BCAT1: variants seen among roughly 807,000 people sequenced by gnomAD.
BCAT1 encodes branched chain amino acid transaminase 1, also known as branched-chain-amino-acid aminotransferase, cytosolic.
Under a neutral mutation model 52.4 loss-of-function variants are expected in BCAT1, and 48 were observed. That is an observed-to-expected ratio of 0.92 (90% CI 0.73 to 1.16). BCAT1 has a LOEUF of 1.16. Ranked by LOEUF, BCAT1 falls within the 50% of genes most tolerant of loss-of-function variation. The pLI, the probability that BCAT1 is intolerant of heterozygous loss-of-function variation, is 0.00. For missense variants in BCAT1, 451 were observed against 457.1 expected, an observed-to-expected ratio of 0.99 and a Z score of 0.12; for synonymous variants, 167 against 161.3, an observed-to-expected ratio of 1.04 and a Z score of -0.27.
intron 3 of BCAT1, among the ~76,000 whole-genome samples, chr12:24,893,575 GTTATT>G (rs1328739898): frequency 6.6e-6 from 1 of 152,074 alleles, no homozygotes; most frequent in East Asian, 1.9e-4. Flanking sequence ...AACAAAAGTT[GTTATT>G]TTATCATTAA....
Position 24,815,863 on chromosome 12 carries a change from ATAAT to A in BCAT1, c.*2141_*2144del, listed in dbSNP as rs1202517257. On this transcript the variant is annotated 3_prime_UTR_variant, in exon 11 of 11. Transcript: ENST00000261192. ...TATAAAATGTGTTGATGGCAAATAA[ATAAT>A]TCTCATTTCTCATAGGAATAGAAAT... 6.6e-6 allele frequency: 1 copy of A among 152,224 alleles called. No individual in the cohort carries two copies. Among genetic ancestry groups the A allele is most frequent in the African/African-American group, 2.4e-5 (1 of 41,446 alleles). The allele number at this position is 152,224 out of a possible 1,614,324, so 9.4% of individuals were successfully genotyped here. A position where few individuals can be genotyped will look rare whatever the true frequency, so the allele number is the denominator to read the frequency against.
intron 6 of BCAT1, among the ~76,000 whole-genome samples, chr12:24,847,953 T>C (rs558886260): frequency 6.6e-6 from 1 of 152,322 alleles, no homozygotes; most frequent in Admixed American, 6.5e-5. Context: ...CAGGATAATA[T>C]TAAATGCGGA....
At chr12:24,946,298 A>T (rs1482050955) in intron 1 of BCAT1, among the ~76,000 whole-genome samples, 1 of 152,224 alleles carries the variant, frequency 6.6e-6, no homozygotes, top group South Asian at 2.1e-4. Flanking sequence ...AAAATATATA[A>T]TTAGGAAAAC....
intron 1 of BCAT1, among the ~76,000 whole-genome samples, chr12:24,924,140 G>A (rs562577815): frequency 6.6e-6 from 1 of 152,206 alleles, no homozygotes; most frequent in Non-Finnish European, 1.5e-5. Flanking sequence ...TTTCTAGAGT[G>A]AGAAGACCAT....
chr12:24,831,248 A>T (rs1283521643), intron 9 of BCAT1, among the ~76,000 whole-genome samples: 2 of 152,226 alleles, frequency 1.3e-5, no homozygotes, highest in African/African-American at 4.8e-5. Flanking sequence ...AAGAATACAT[A>T]TATAACATAC....
intron 1 of BCAT1, among the ~76,000 whole-genome samples, chr12:24,909,440 T>C (rs1943279844): frequency 6.6e-6 from 1 of 152,220 alleles, no homozygotes; most frequent in Non-Finnish European, 1.5e-5. Flanking sequence ...GTACTGTGTA[T>C]GTAGTTACTG....
At chr12:24,936,469 G>A (rs1221731455) in intron 1 of BCAT1, among the ~76,000 whole-genome samples, 1 of 152,162 alleles carries the variant, frequency 6.6e-6, no homozygotes, top group East Asian at 1.9e-4. Flanking sequence ...CTGACCTCAA[G>A]TGATCCACCC....
intron 10 of BCAT1, among the ~76,000 whole-genome samples, 163 bp downstream of exon 10, chr12:24,829,660 T>C (rs1940564361): frequency 6.6e-6 from 1 of 152,166 alleles, no homozygotes; most frequent in African/African-American, 2.4e-5. Flanking sequence ...TGCCCACACA[T>C]TGTGTTGGGA....
Position 24,811,966 on chromosome 12 carries a change from G to A in BCAT1, c.*6042C>T, listed in dbSNP as rs1166433524. ...CGCAAATCCTTAAAAACAGTGGGTTGAGCCCCAGCTCCATGTATTAGGTAG... is the reference window on the plus strand; with the variant it reads ...CGCAAATCCTTAAAAACAGTGGGTTAAGCCCCAGCTCCATGTATTAGGTAG... On this transcript the variant is annotated 3_prime_UTR_variant, in exon 11 of 11. Coordinates refer to ENST00000261192, the MANE Select transcript of BCAT1 (RefSeq NM_005504.7). The A allele has an allele frequency of 6.6e-6, 1 of 152,126 alleles. No individual in the cohort carries two copies. The highest frequency in any genetic ancestry group is 6.5e-5 in the Admixed American group (1 of 15,272). The allele number at this position is 152,126 out of a possible 1,614,324, so 9.4% of individuals were successfully genotyped here. A position where few individuals can be genotyped will look rare whatever the true frequency, so the allele number is the denominator to read the frequency against.
At chr12:24,889,115 T>C (rs1037528220) in intron 3 of BCAT1, among the ~76,000 whole-genome samples, 20 of 152,254 alleles carry the variant, frequency 1.3e-4, no homozygotes, top group Admixed American at 7.8e-4. Flanking sequence ...GCTCATCTGC[T>C]GCTGGATGGT....
chr12:24,859,354 C>T (rs1174144876), intron 5 of BCAT1, among the ~76,000 whole-genome samples: 1 of 152,200 alleles, frequency 6.6e-6, no homozygotes, highest in Non-Finnish European at 1.5e-5. Context: ...GGCGCAGTGG[C>T]TCACGCCTGT....
rs751546806 is a variant in BCAT1 at position 24,849,807 on chromosome 12, G to A, written c.653C>T (p.Thr218Ile). 1.9e-6 allele frequency: 3 copies of A among 1,612,066 alleles called. No individual in the cohort carries two copies. In the African/African-American group the frequency reaches 4.0e-5, roughly 21 times the overall value. ...PKYVRAWKGG[T>I]GDCKMGGNYG... ...TTACCCTCCCATCTTGCAGTCCCCA[G>A]TTCCACCTTTCCAGGCTCTTACATA... The change falls in exon 6 of 11, where the codon ACT (threonine) becomes ATT (isoleucine). Residue 218 changes from threonine (T) to isoleucine (I), a missense_variant. By Grantham distance (89) the Thr-to-Ile change is moderately conservative. Coordinates refer to ENST00000261192, the MANE Select transcript of BCAT1 (RefSeq NM_005504.7).
chr12:24,821,667 T>C (rs777496581), intron 10 of BCAT1, among the ~76,000 whole-genome samples: 1 of 152,210 alleles, frequency 6.6e-6, no homozygotes, highest in Non-Finnish European at 1.5e-5. Flanking sequence ...CATTACTGCA[T>C]ACGCATTATA....
At chr12:24,912,970 C>A (rs1054014424) in intron 1 of BCAT1, among the ~76,000 whole-genome samples, 2 of 151,944 alleles carry the variant, frequency 1.3e-5, no homozygotes, top group African/African-American at 2.4e-5. Flanking sequence ...GAACGAAGAC[C>A]CAAAGATATA....
chr12:24,875,572 T>C (rs148540993), intron 5 of BCAT1, among the ~76,000 whole-genome samples: 340 of 152,314 alleles, frequency 2.2e-3, no homozygotes, highest in Non-Finnish European at 3.9e-3. Flanking sequence ...GAGTGTATAG[T>C]GAAAGAGAAC....
chr12:24,881,614 T>C (rs1304340344), intron 3 of BCAT1, among the ~76,000 whole-genome samples: 2 of 152,216 alleles, frequency 1.3e-5, no homozygotes, highest in African/African-American at 4.8e-5. Flanking sequence ...AAAGTTATTT[T>C]ATTATCAGAA....
At chr12:24,932,507 A>T (rs1320118419) in intron 1 of BCAT1, among the ~76,000 whole-genome samples, 2 of 152,252 alleles carry the variant, frequency 1.3e-5, no homozygotes, top group African/African-American at 4.8e-5. Flanking sequence ...CATTTTATTC[A>T]TATTGCATCA....
chr12:24,840,795 T>A (rs975029579), intron 7 of BCAT1, among the ~76,000 whole-genome samples: 1 of 152,230 alleles, frequency 6.6e-6, no homozygotes, highest in African/African-American at 2.4e-5. Flanking sequence ...CTTTCAAATA[T>A]AAACTGCATT....
intron 3 of BCAT1, among the ~76,000 whole-genome samples, chr12:24,887,080 A>AAAAAATATAT (rs1245203518): frequency 4.9e-5 from 2 of 40,744 alleles, no homozygotes; most frequent in Non-Finnish European, 5.2e-5. Flanking sequence ...AAAAAAAAAA[A>AAAAAATATAT]ATATATATAT....
Sources: allele counts gnomAD v4.1 joint callset (sites outside exome capture counted in the v4.1 genomes callset), GRCh38; gene constraint gnomAD v4.1.1; transcripts MANE v1.5; gene names NCBI Gene and HGNC (gene_info 2026-07-23, HGNC 2026-07-21).